The following PPP1R7 variants were observed in gnomAD, a reference collection of about 807,000 sequenced individuals.
The protein encoded by PPP1R7 is protein phosphatase 1 regulatory subunit 22.
In PPP1R7, 18 loss-of-function variants were observed where a neutral mutation model predicts 45.2. The ratio of observed to expected loss-of-function variants is 0.40; its 90% confidence interval spans 0.28 to 0.59. PPP1R7 has a LOEUF of 0.59. PPP1R7 is among the 20% of genes least tolerant of loss of function. PPP1R7 has a pLI of 0.46. For missense variants in PPP1R7, 314 were observed against 455.8 expected (o/e 0.69, Z 2.83); for synonymous variants, 181 against 183.4 (o/e 0.99, Z 0.11).
chr2:241,177,485 A>G (rs1029280537), intron 9 of PPP1R7, among the ~76,000 whole-genome samples: 3 of 152,178 alleles, frequency 2.0e-5, no homozygotes, highest in Non-Finnish European at 2.9e-5. Context: ...AAGAATAGGT[A>G]TATCTAATTT....
upstream of PPP1R7, chr2:241,150,312 G>T: frequency 7.5e-7 from 1 of 1,335,488 alleles, no homozygotes; most frequent in South Asian, 2.1e-5. Flanking sequence ...CTGCTCTGGG[G>T]GAGGCGCGGC....
At chr2:241,174,692 T>C (rs1398851614) in intron 9 of PPP1R7, among the ~76,000 whole-genome samples, 2 of 151,790 alleles carry the variant, frequency 1.3e-5, no homozygotes, top group South Asian at 2.1e-4. Flanking sequence ...TTTTTTTTTT[T>C]GAGATAGAGT....
In PPP1R7 at chr2:241,158,521, A is replaced by T; in HGVS notation, c.275A>T (p.Glu92Val). 6.2e-7 allele frequency: 1 copy of T among 1,614,082 alleles called. No individual in the cohort carries two copies. The highest frequency in any genetic ancestry group is 8.5e-7 in the Non-Finnish European group (1 of 1,179,920). ...AATCACTATCGCATAGGGAAGATTG[A>T]AGGATTTGAGGTACTGAAGAAAGTG... ...DLNHYRIGKIEGFEVLKKVKT... is the reference protein window; with the variant it reads ...DLNHYRIGKIVGFEVLKKVKT... The change falls in exon 4 of 10, where the codon GAA becomes GTA. Residue 92 changes from glutamate (E) to valine (V), a missense_variant. Physicochemically the swap from Glu to Val is moderately radical, Grantham distance 121. Around this residue, in one of 3 missense-constraint regions of PPP1R7, gnomAD observed 112 missense variants for 144.5 expected, o/e 0.78. Coordinates refer to ENST00000234038, the MANE Select transcript of PPP1R7 (RefSeq NM_002712.3).
At chr2:241,173,821 T>G (rs372049788) in intron 9 of PPP1R7, among the ~76,000 whole-genome samples, 1 of 152,238 alleles carries the variant, frequency 6.6e-6, no homozygotes, top group Non-Finnish European at 1.5e-5. Context: ...CATGATCTTA[T>G]CATCTGTAGT....
upstream of PPP1R7, chr2:241,150,459 G>C (rs1208594957): frequency 9.6e-6 from 15 of 1,561,222 alleles, no homozygotes; most frequent in Non-Finnish European, 1.2e-5. Flanking sequence ...TGAGGGGTCT[G>C]AGGCGACAGA....
At chr2:241,166,660 G>A (rs1179866039) in intron 8 of PPP1R7, among the ~76,000 whole-genome samples, 1 of 152,218 alleles carries the variant, frequency 6.6e-6, no homozygotes, top group Non-Finnish European at 1.5e-5. Context: ...CCTCTGCCCT[G>A]AGTGTGCCTT....
At chr2:241,154,506 G>A (rs993116691) in intron 2 of PPP1R7, among the ~76,000 whole-genome samples, 3 of 152,070 alleles carry the variant, frequency 2.0e-5, no homozygotes, top group Non-Finnish European at 4.4e-5. Context: ...TGGCCAACAT[G>A]GTGAAACCCT....
intron 7 of PPP1R7, among the ~76,000 whole-genome samples, chr2:241,163,908 C>A (rs868727768): frequency 2.6e-5 from 4 of 151,400 alleles, no homozygotes; most frequent in Non-Finnish European, 5.9e-5. Flanking sequence ...AGTCACCACT[C>A]GTGGCCTTTC....
At chr2:241,153,749 G>A in intron 2 of PPP1R7, 145 bp downstream of exon 2, 3 of 1,025,028 alleles carry the variant, frequency 2.9e-6, no homozygotes, top group South Asian at 1.7e-5. Flanking sequence ...CCCAGGGCAG[G>A]TGGATATGCT....
chr2:241,181,891 G>A lies in PPP1R7; in HGVS notation c.907-756G>A, dbSNP rs768519386. ...TGAACATGTGATTTCTACACACAGG[G>A]TGTTTGAAAGGGAGGGTCAGACCAA... On this transcript the variant is annotated intron_variant, in intron 9 of 9. Coordinates refer to ENST00000234038, the MANE Select transcript of PPP1R7 (RefSeq NM_002712.3). 2.9e-4 allele frequency among the ~76,000 whole-genome samples: 44 copies of A among 152,140 alleles called. 1 individual carries two copies. Among genetic ancestry groups the A allele is most frequent in the Non-Finnish European group, 5.0e-4 (34 of 68,030 alleles).
In PPP1R7 at chr2:241,183,275, G is replaced by GT; in HGVS notation, c.*458dup. The GT allele has an allele frequency of 2.4e-6, 1 of 409,196 alleles. No individual in the cohort carries two copies. Among genetic ancestry groups the GT allele is most frequent in the Non-Finnish European group, 5.0e-6 (1 of 199,780 alleles). 25.3% of individuals were successfully genotyped at this position (409,196 alleles called of 1,614,324 possible). ...GCAGTCTTGACCTGCAACAACCGAG[G>GT]TTTTTTAGTCTTTTAACCCAGCCAT... is the stretch of plus-strand genomic sequence containing the variant. On this transcript the variant is annotated 3_prime_UTR_variant, in exon 10 of 10. Transcript: ENST00000234038.
chr2:241,150,532 C>G lies in PPP1R7; in HGVS notation c.37C>G (p.Gln13Glu). Residue 13 changes from glutamine (Q) to glutamate (E), a missense_variant, in exon 1 of 10, where the codon CAG (glutamine) becomes GAG (glutamate). By Grantham distance (29) the Gln-to-Glu change is conservative (BLOSUM62 2). Coordinates refer to ENST00000234038, the MANE Select transcript of PPP1R7 (RefSeq NM_002712.3). ...ACGCGGCGCGGGGCAGCAACAGTCG[C>G]AGGAGATGATGGAGGGTGAGCGGCC... is the stretch of plus-strand genomic sequence containing the variant. ...AERGAGQQQSQEMMEVDRRVE... is the reference protein window; with the variant it reads ...AERGAGQQQSEEMMEVDRRVE... The G allele has an allele frequency of 3.8e-6, 6 of 1,598,304 alleles. No homozygotes were observed. Among genetic ancestry groups the G allele is most frequent in the Non-Finnish European group, 5.1e-6 (6 of 1,173,936 alleles).
At chr2:241,161,466 A>G (rs1264429033) in intron 6 of PPP1R7, among the ~76,000 whole-genome samples, 4 of 152,156 alleles carry the variant, frequency 2.6e-5, no homozygotes, top group African/African-American at 9.7e-5. Context: ...ACTGATGTAC[A>G]TACCGGGGGC....
In PPP1R7 at chr2:241,183,537, G is replaced by A; in HGVS notation, c.*714G>A. The A allele has an allele frequency of 2.2e-6, 1 of 450,974 alleles. No homozygotes were observed. The highest frequency in any genetic ancestry group is 1.6e-5 in the South Asian group (1 of 61,982). 27.9% of individuals were successfully genotyped at this position (450,974 alleles called of 1,614,324 possible). ...GCTGCCAGAATACGAGTCCCATTGA[G>A]CCTCTCCAAAGACGGCCTCCAAGGA... is the stretch of plus-strand genomic sequence containing the variant. On this transcript the variant is annotated 3_prime_UTR_variant, in exon 10 of 10. Transcript: ENST00000234038.
chr2:241,166,148 C>T (rs1275208035), intron 7 of PPP1R7, among the ~76,000 whole-genome samples, 189 bp from the exon 8 acceptor site: 1 of 150,268 alleles, frequency 6.7e-6, no homozygotes, highest in Admixed American at 6.6e-5. Flanking sequence ...GTGATCTGCC[C>T]CACTCGGCCT....
chr2:241,170,268 G>T (rs918418823), intron 9 of PPP1R7, among the ~76,000 whole-genome samples: 1 of 152,206 alleles, frequency 6.6e-6, no homozygotes, highest in Admixed American at 6.5e-5. Context: ...AGAGGCAGAC[G>T]CATTCCCTAC....
chr2:241,149,854 C>T, upstream of PPP1R7: 1 of 1,470,092 alleles, frequency 6.8e-7, no homozygotes, highest in Admixed American at 2.5e-5. Context: ...AAGGGGAGCC[C>T]AGCTGGCGCC....
chr2:241,152,516 G>A (rs969934888), intron 1 of PPP1R7, among the ~76,000 whole-genome samples: 1 of 152,220 alleles, frequency 6.6e-6, no homozygotes, highest in Non-Finnish European at 1.5e-5. Context: ...GATGGATTTG[G>A]AGGTTTTGGA....
chr2:241,151,855 C>T lies in PPP1R7; in HGVS notation c.52+1308C>T, dbSNP rs575807959. On this transcript the variant is annotated intron_variant, in intron 1 of 9. Transcript: ENST00000234038. ...GTACCTTAACTCAGACCTTCATCATCTCTAGGCTAGATTGATTGTCCCTGT... is the reference window on the plus strand; with the variant it reads ...GTACCTTAACTCAGACCTTCATCATTTCTAGGCTAGATTGATTGTCCCTGT... Among the ~76,000 whole-genome samples the T allele has an allele frequency of 1.2e-4, 18 of 152,342 alleles. 2 individuals carry two copies. The South Asian group carries it at 3.5e-3, about 30-fold the overall frequency.
Sources: gnomAD v4.1 joint callset for allele counts (sites outside exome capture counted in the v4.1 genomes callset) on GRCh38, gnomAD v4.1.1 for gene constraint, gnomAD v4.1.1 regional missense constraint, MANE v1.5 for transcripts, NCBI Gene and HGNC (gene_info 2026-07-23, HGNC 2026-07-21) for gene names.